BPI: variants seen among roughly 807,000 people sequenced by gnomAD.
BPI encodes bactericidal permeability increasing protein.
A neutral mutation model predicts 57.6 loss-of-function variants in BPI; 48 were observed. That is an observed-to-expected ratio of 0.83 (90% CI 0.66 to 1.06). The LOEUF (loss-of-function observed/expected upper bound fraction) is 1.06. Among genes scored for constraint, BPI ranks in the 50% least tolerant of loss-of-function variants. The pLI is 0.00. For missense variants in BPI, 651 were observed against 609.7 expected (o/e 1.07, Z -0.71); for synonymous variants, 237 against 238.2 (o/e 0.99, Z 0.05).
intron 8 of BPI, 100 bp from the exon 9 acceptor site, chr20:38,324,674 C>T: frequency 1.0e-6 from 1 of 967,524 alleles, no homozygotes. Context: ...TGGCCACTGT[C>T]TGTGTGTGCA....
Position 38,323,803 on chromosome 20 carries a change from T to C in BPI, c.757-67T>C, listed in dbSNP as rs1248111602. On this transcript the variant is annotated intron_variant, in intron 7 of 14. Coordinates refer to ENST00000642449, the MANE Select transcript of BPI (RefSeq NM_001725.3). ...TTGGTGTCTTCAGTCCATTTTTTCCTGGATGGAGATGTTGACTTATAATTC... is the reference window on the plus strand; with the variant it reads ...TTGGTGTCTTCAGTCCATTTTTTCCCGGATGGAGATGTTGACTTATAATTC... 14 of 1,536,756 alleles carry C rather than the reference T, an allele frequency of 9.1e-6. No individual in the cohort carries two copies. The Admixed American group carries it at 1.7e-4, about 19-fold the overall frequency.
At chr20:38,308,200 T>C (rs1032093282) in intron 2 of BPI, among the ~76,000 whole-genome samples, 3 of 152,154 alleles carry the variant, frequency 2.0e-5, no homozygotes, top group African/African-American at 7.2e-5. Context: ...GCCCTAAGAC[T>C]CACTCTGACT....
chr20:38,308,750 GCCA>G (rs1250645281), intron 2 of BPI, among the ~76,000 whole-genome samples, 177 bp from the exon 3 acceptor site: 1 of 152,198 alleles, frequency 6.6e-6, no homozygotes, highest in East Asian at 1.9e-4. Context: ...CAAAACCTAA[GCCA>G]CTCCAGTTGC....
intron 5 of BPI, among the ~76,000 whole-genome samples, chr20:38,314,563 T>C (rs1217805106): frequency 7.1e-6 from 1 of 140,654 alleles, no homozygotes; most frequent in African/African-American, 2.7e-5. Context: ...ATGGTGGGGA[T>C]GATGATGGTG....
chr20:38,311,539 G>A (rs1239038488), intron 4 of BPI, among the ~76,000 whole-genome samples: 1 of 152,166 alleles, frequency 6.6e-6, no homozygotes. Context: ...TTTAAGCAGA[G>A]GGAAGAGCAT....
rs1016417654 is a variant in BPI at position 38,324,907 on chromosome 20, G to A, written c.993+74G>A. On this transcript the variant is annotated intron_variant, in intron 9 of 14. Coordinates refer to ENST00000642449, the MANE Select transcript of BPI (RefSeq NM_001725.3). ...GACAGGGCTTTGCTGAGTGGATGAT[G>A]AGAGCCCTCCACCCAACATAACACA... 12 of 1,213,814 alleles carry A rather than the reference G, an allele frequency of 9.9e-6. No individual in the cohort carries two copies. In the African/African-American group the frequency reaches 1.5e-4, roughly 15 times the overall value. The allele number at this position is 1,213,814 out of a possible 1,614,324, so 75.2% of individuals were successfully genotyped here. A position where few individuals can be genotyped will look rare whatever the true frequency, so the allele number is the denominator to read the frequency against.
Position 38,326,446 on chromosome 20 carries a change from G to T in BPI, c.1161+14G>T, listed in dbSNP as rs5743525. 4.7e-4 allele frequency: 762 copies of T among 1,608,884 alleles called. 4 individuals are homozygous for T. The African/African-American group carries it at 9.1e-3, about 19-fold the overall frequency. On this transcript the variant is annotated intron_variant, in intron 10 of 14. Coordinates refer to ENST00000642449, the MANE Select transcript of BPI (RefSeq NM_001725.3). ...CTGATTGGCATGGTAAGCAGTTCCT[G>T]GGTTGGACAGATGAGGAGCCCCAGA...
intron 13 of BPI, 157 bp from the exon 14 acceptor site, chr20:38,335,441 G>T: frequency 1.5e-6 from 1 of 668,764 alleles, no homozygotes; most frequent in South Asian, 1.8e-5. Context: ...GGACTCTGGG[G>T]CAGCCTTCCT....
At chr20:38,316,785 G>T (rs1250268707) in intron 5 of BPI, among the ~76,000 whole-genome samples, 2 of 152,102 alleles carry the variant, frequency 1.3e-5, no homozygotes, top group South Asian at 2.1e-4. Flanking sequence ...CTGTTCTTAG[G>T]GTCCTAACTG....
intron 13 of BPI, 62 bp downstream of exon 13, chr20:38,334,555 C>A (rs1271421948): frequency 6.6e-7 from 1 of 1,514,588 alleles, no homozygotes; most frequent in East Asian, 2.3e-5. Flanking sequence ...GGGTTGATTA[C>A]CCACAGCCAC....
intron 12 of BPI, among the ~76,000 whole-genome samples, chr20:38,333,021 C>G: frequency 6.6e-6 from 1 of 152,080 alleles, no homozygotes; most frequent in Non-Finnish European, 1.5e-5. Context: ...CGAGATGCCC[C>G]CAAGTTCCCC....
rs773592268 is a variant in BPI at position 38,304,292 on chromosome 20, C to T, written c.69C>T (p.Ala23=). 13 of 1,614,170 alleles carry T rather than the reference C, an allele frequency of 8.1e-6. No individual in the cohort carries two copies. Among genetic ancestry groups the T allele is most frequent in the South Asian group, 7.7e-5 (7 of 91,080 alleles). ...TGGTGCTGGTCGCCATAGGCACCGC[C>T]GTGACAGCGGCCGTCAACCCTGGCG... The part of the protein sequence containing the change: ...SLMVLVAIGT[A]VTAAVNPGVV... Residue 23 remains alanine, a synonymous_variant, in exon 1 of 15, where the codon GCC becomes GCT. Transcript: ENST00000642449.
At chr20:38,308,517 G>A (rs2076607072) in intron 2 of BPI, among the ~76,000 whole-genome samples, 2 of 152,140 alleles carry the variant, frequency 1.3e-5, no homozygotes, top group Admixed American at 6.5e-5. Flanking sequence ...CAGGCTTTGG[G>A]GCTGCAATAG....
chr20:38,323,055 G>C (rs1405152018), intron 7 of BPI, among the ~76,000 whole-genome samples: 1 of 152,126 alleles, frequency 6.6e-6, no homozygotes, highest in South Asian at 2.1e-4. Context: ...TTACCATTTT[G>C]TCATATTTCC....
chr20:38,331,300 G>A (rs2076741534), intron 12 of BPI, among the ~76,000 whole-genome samples: 1 of 152,214 alleles, frequency 6.6e-6, no homozygotes, highest in Non-Finnish European at 1.5e-5. Flanking sequence ...CCTTGGGCAA[G>A]TCACTTCCCT....
At chr20:38,324,871 G>C in intron 9 of BPI, 38 bp downstream of exon 9, 1 of 1,525,516 alleles carries the variant, frequency 6.6e-7, no homozygotes, top group Non-Finnish European at 9.1e-7. Flanking sequence ...GAGCCCCGGG[G>C]GTTCTGGGAG....
intron 11 of BPI, among the ~76,000 whole-genome samples, chr20:38,328,066 T>C (rs1311569546): frequency 1.3e-5 from 2 of 152,140 alleles, no homozygotes; most frequent in African/African-American, 2.4e-5. Context: ...CAACTTCTTC[T>C]CACCCCATCC....
chr20:38,324,899 T>A, intron 9 of BPI, 66 bp downstream of exon 9: 1 of 1,334,360 alleles, frequency 7.5e-7, no homozygotes, highest in Non-Finnish European at 1.1e-6. Flanking sequence ...CTTTGCTGAG[T>A]GGATGATGAG....
rs764737972 is a variant in BPI, at chr20:38,304,229, CA to C, written c.7del (p.Arg3GlyfsTer12). 7 of 1,614,184 alleles carry C rather than the reference CA, an allele frequency of 4.3e-6. No homozygotes were observed. The highest frequency in any genetic ancestry group is 1.1e-5 in the South Asian group (1 of 91,084). MARGPCNAPRWAS... is the reference protein window; with the variant it reads MAXGPCNAPRWAS... ...TCTGGAGGATGAGAGAGAACATGGC[CA>C]GGGGCCCTTGCAACGCGCCGAGATG... is the stretch of plus-strand genomic sequence containing the variant. On this transcript the variant is annotated frameshift_variant, in exon 1 of 15. Coordinates refer to ENST00000642449, the MANE Select transcript of BPI (RefSeq NM_001725.3). LOFTEE classifies it high-confidence loss of function.
Sources: allele counts gnomAD v4.1 joint callset (sites outside exome capture counted in the v4.1 genomes callset), GRCh38; gene constraint gnomAD v4.1.1; transcripts MANE v1.5; gene names NCBI Gene and HGNC (gene_info 2026-07-23, HGNC 2026-07-21).